The following ANKRD27 variants were observed in gnomAD, a reference collection of about 807,000 sequenced individuals.
ANKRD27 encodes ankyrin repeat domain-containing protein 27.
A neutral mutation model predicts 129.7 loss-of-function variants in ANKRD27; 112 were observed. The ratio of observed to expected loss-of-function variants is 0.86; its 90% CI spans 0.74 to 1.01. The LOEUF (loss-of-function observed/expected upper bound fraction) is 1.01, where lower values mean the gene tolerates loss of function less well. ANKRD27 is among the 50% of genes least tolerant of loss of function. The probability of loss-of-function intolerance (pLI) is 0.00; values close to 1 mark genes in which losing one functional copy is unlikely to be tolerated. For missense variants in ANKRD27, 1,258 were observed against 1,300.5 expected (o/e 0.97, Z 0.50); for synonymous variants, 516 against 511.2 (o/e 1.01, Z -0.13).
At chr19:32,598,793 T>C (rs1971608170) in intron 28 of ANKRD27, among the ~76,000 whole-genome samples, 2 of 152,202 alleles carry the variant, frequency 1.3e-5, no homozygotes. Flanking sequence ...AGACTAAATA[T>C]GGTATCAAAA....
intron 3 of ANKRD27, among the ~76,000 whole-genome samples, chr19:32,647,615 G>T (rs1422573380): frequency 6.6e-6 from 1 of 152,302 alleles, no homozygotes; most frequent in South Asian, 2.1e-4. Flanking sequence ...GGAAGCACGG[G>T]GTTGTCAGTG....
chr19:32,615,695 G>A lies in ANKRD27; in HGVS notation c.2138C>T (p.Pro713Leu), dbSNP rs139210618. The A allele has an allele frequency of 1.1e-5, 18 of 1,614,190 alleles. No individual in the cohort carries two copies. Among genetic ancestry groups the A allele is most frequent in the East Asian group, 8.9e-5 (4 of 44,892 alleles). Residue 713 changes from proline (P) to leucine (L), a missense_variant, in exon 22 of 29, where the codon CCG becomes CTG. Coordinates refer to ENST00000306065, the MANE Select transcript of ANKRD27 (RefSeq NM_032139.3). ...VSAADPEFCHPLCQCPKCAPA... is the reference protein window; with the variant it reads ...VSAADPEFCHLLCQCPKCAPA... Reference sequence around the variant, plus strand: ...GGCACACTTGGGGCACTGGCACAACGGGTGACAGAATTCGGGGTCCGCTGC... The same window carrying A: ...GGCACACTTGGGGCACTGGCACAACAGGTGACAGAATTCGGGGTCCGCTGC...
At chr19:32,644,211 A>T in intron 5 of ANKRD27, 114 bp downstream of exon 5, 3 of 1,227,818 alleles carry the variant, frequency 2.4e-6, no homozygotes, top group Non-Finnish European at 3.4e-6. Context: ...CATTTTTAAA[A>T]GACTTCAAAC....
chr19:32,610,266 C>G (rs62124266), intron 22 of ANKRD27, among the ~76,000 whole-genome samples: 1 of 151,840 alleles, frequency 6.6e-6, no homozygotes, highest in South Asian at 2.1e-4. Flanking sequence ...GCCGAGATGG[C>G]GCCACTGCAC....
chr19:32,599,821 T>C, intron 27 of ANKRD27, 45 bp from the exon 28 acceptor site: 8 of 1,599,222 alleles, frequency 5.0e-6, no homozygotes, highest in Non-Finnish European at 6.0e-6. Context: ...GACAGTGGCA[T>C]GAAACACTCT....
intron 19 of ANKRD27, 37 bp from the exon 20 acceptor site, chr19:32,619,416 AC>A: frequency 6.2e-7 from 1 of 1,613,874 alleles, no homozygotes; most frequent in Non-Finnish European, 8.5e-7. Context: ...AGAGGACAGG[AC>A]ACAAGGACAC....
intron 11 of ANKRD27, 38 bp downstream of exon 11, chr19:32,640,269 T>G: frequency 6.4e-7 from 1 of 1,571,066 alleles, no homozygotes; most frequent in Non-Finnish European, 8.7e-7. Flanking sequence ...GGCCAAGCAC[T>G]GCCATTTTCA....
chr19:32,642,846 G>A (rs1040514052), intron 9 of ANKRD27, among the ~76,000 whole-genome samples: 3 of 152,264 alleles, frequency 2.0e-5, no homozygotes, highest in South Asian at 2.1e-4. Flanking sequence ...ACCCACATGG[G>A]CAAATTACAT....
At chr19:32,599,019 C>G (rs1435470254) in intron 28 of ANKRD27, among the ~76,000 whole-genome samples, 1 of 152,186 alleles carries the variant, frequency 6.6e-6, no homozygotes, top group Non-Finnish European at 1.5e-5. Flanking sequence ...GTGGCTCACA[C>G]TTGTAATCCC....
intron 15 of ANKRD27, among the ~76,000 whole-genome samples, chr19:32,627,381 TA>T (rs55963222): frequency 0.059 from 6,079 of 102,982 alleles, 431 homozygotes; most frequent in Non-Finnish European, 0.1. Flanking sequence ...TTTATTTATT[TA>T]TTTATTTATT....
intron 13 of ANKRD27, among the ~76,000 whole-genome samples, chr19:32,630,458 A>T (rs1369971901): frequency 6.6e-6 from 1 of 152,194 alleles, no homozygotes; most frequent in Non-Finnish European, 1.5e-5. Context: ...ACGCCCATAA[A>T]CATCTGACAA....
intron 3 of ANKRD27, among the ~76,000 whole-genome samples, chr19:32,648,850 G>A (rs1484712007): frequency 5.3e-5 from 8 of 151,562 alleles, no homozygotes; most frequent in African/African-American, 1.2e-4. Flanking sequence ...GAGAGACAGC[G>A]ATAAAACCAA....
At chr19:32,669,061 C>T (rs1967816344) in intron 1 of ANKRD27, among the ~76,000 whole-genome samples, 2 of 152,196 alleles carry the variant, frequency 1.3e-5, no homozygotes. Context: ...ATCCTCCCGC[C>T]TCAGCCTCTC....
chr19:32,610,005 T>C (rs554729249), intron 22 of ANKRD27, among the ~76,000 whole-genome samples: 2 of 151,630 alleles, frequency 1.3e-5, no homozygotes, highest in South Asian at 4.2e-4. Context: ...GCCAAGACCC[T>C]GTCTCTACAA....
At chr19:32,627,331 C>A (rs1966901835) in intron 15 of ANKRD27, among the ~76,000 whole-genome samples, 1 of 151,712 alleles carries the variant, frequency 6.6e-6, no homozygotes. Context: ...TCTGGAGGAC[C>A]TTATGTTTTC....
At chr19:32,631,041 GAC>G (rs898316791) in intron 13 of ANKRD27, among the ~76,000 whole-genome samples, 15 of 151,512 alleles carry the variant, frequency 9.9e-5, no homozygotes, top group African/African-American at 3.6e-4. Context: ...TTCTTTTTGA[GAC>G]AGAGTCTCTC....
chr19:32,668,186 T>G (rs1967797161), intron 1 of ANKRD27, among the ~76,000 whole-genome samples: 1 of 152,298 alleles, frequency 6.6e-6, no homozygotes, highest in South Asian at 2.1e-4. Flanking sequence ...GGGGTCTCAC[T>G]CTACTGACCA....
intron 28 of ANKRD27, 120 bp from the exon 29 acceptor site, chr19:32,598,498 C>T (rs750297230): frequency 4.7e-6 from 4 of 855,474 alleles, no homozygotes; most frequent in African/African-American, 3.3e-5. Context: ...GCTTGACAGG[C>T]ATAATTTCAA....
chr19:32,666,715 G>A (rs1967765550), intron 1 of ANKRD27, among the ~76,000 whole-genome samples: 1 of 147,036 alleles, frequency 6.8e-6, no homozygotes, highest in Non-Finnish European at 1.5e-5. Flanking sequence ...TGCAATCTCG[G>A]CTCACTGCAA....
Sources: allele counts gnomAD v4.1 joint callset (sites outside exome capture counted in the v4.1 genomes callset), GRCh38; gene constraint gnomAD v4.1.1; transcripts MANE v1.5; gene names NCBI Gene and HGNC (gene_info 2026-07-23, HGNC 2026-07-21).